ABCA13: variants seen among roughly 807,000 people sequenced by gnomAD.
The protein encoded by ABCA13 is ATP-binding cassette sub-family A member 13.
In ABCA13, 476 loss-of-function variants were observed where a neutral mutation model predicts 478.7. The observed-to-expected ratio is 0.99, with a 90% CI of 0.92 to 1.07. The LOEUF is 1.07. Ranked by LOEUF, ABCA13 falls within the 50% of genes least tolerant of loss-of-function variation. ABCA13 has a pLI of 0.00. For missense variants in ABCA13, 6,060 were observed against 5,910.6 expected, an observed-to-expected ratio of 1.03 and a Z score of -0.83; for synonymous variants, 2,252 against 2,158.9, an observed-to-expected ratio of 1.04 and a Z score of -1.20.
At chr7:48,451,467 C>T (rs1449347861) in intron 42 of ABCA13, among the ~76,000 whole-genome samples, 8 of 152,158 alleles carry the variant, frequency 5.3e-5, no homozygotes, top group Non-Finnish European at 5.9e-5. Flanking sequence ...AGATCCGTTT[C>T]CTTAACCCTC....
chr7:48,325,103 A>C (rs1472963955), intron 27 of ABCA13, among the ~76,000 whole-genome samples: 1 of 152,194 alleles, frequency 6.6e-6, no homozygotes, highest in African/African-American at 2.4e-5. Flanking sequence ...TGAAGCAGTA[A>C]CTTAGACATG....
At chr7:48,211,443 C>A (rs941004346) in intron 3 of ABCA13, among the ~76,000 whole-genome samples, 5 of 152,206 alleles carry the variant, frequency 3.3e-5, no homozygotes, top group African/African-American at 1.2e-4. Context: ...CAGTTGAAGT[C>A]TCTTGCTCTC....
chr7:48,313,792 T>C (rs1802124677), intron 25 of ABCA13, among the ~76,000 whole-genome samples: 1 of 152,206 alleles, frequency 6.6e-6, no homozygotes, highest in African/African-American at 2.4e-5. Flanking sequence ...GATAACAATG[T>C]TCTCAGAACT....
chr7:48,216,997 T>C (rs1417502588), intron 3 of ABCA13, among the ~76,000 whole-genome samples: 2 of 152,166 alleles, frequency 1.3e-5, no homozygotes, highest in African/African-American at 4.8e-5. Context: ...TATTCCTAAG[T>C]AGTTAATATT....
chr7:48,586,762 T>C (rs1422104915), intron 56 of ABCA13, among the ~76,000 whole-genome samples: 9 of 152,194 alleles, frequency 5.9e-5, no homozygotes, highest in African/African-American at 2.2e-4. Context: ...GGTTGTCTTC[T>C]CCCTTTAAGT....
At chr7:48,475,637 T>G (rs1338331193) in intron 45 of ABCA13, among the ~76,000 whole-genome samples, 3 of 151,938 alleles carry the variant, frequency 2.0e-5, no homozygotes, top group African/African-American at 7.3e-5. Context: ...GGCTAATTTT[T>G]GTATTTTTAG....
chr7:48,370,114 T>C (rs1226546170), intron 32 of ABCA13, among the ~76,000 whole-genome samples: 4 of 152,180 alleles, frequency 2.6e-5, no homozygotes, highest in African/African-American at 9.6e-5. Context: ...CCTCCTTGTT[T>C]AGGTATATTC....
At chr7:48,324,393 A>G (rs1563052504) in intron 27 of ABCA13, among the ~76,000 whole-genome samples, 1 of 152,204 alleles carries the variant, frequency 6.6e-6, no homozygotes, top group African/African-American at 2.4e-5. Context: ...AGGATCTTTA[A>G]AGACCTATTT....
Position 48,414,937 on chromosome 7 carries a change from G to A in ABCA13, c.12459+2354G>A, listed in dbSNP as rs76791895. On this transcript the variant is annotated intron_variant, in intron 41 of 61. Coordinates refer to ENST00000435803, the MANE Select transcript of ABCA13 (RefSeq NM_152701.5). ...GCTGCCGTAGCTTTGGAGTGACCACGGAGCTAAATAACATCTATACCCCCA... is the reference window on the plus strand; with the variant it reads ...GCTGCCGTAGCTTTGGAGTGACCACAGAGCTAAATAACATCTATACCCCCA... 6.4e-3 allele frequency among the ~76,000 whole-genome samples: 971 copies of A among 152,254 alleles called. 18 individuals are homozygous for A. Among genetic ancestry groups the A allele is most frequent in the African/African-American group, 0.022 (899 of 41,540 alleles).
intron 3 of ABCA13, among the ~76,000 whole-genome samples, chr7:48,207,123 TGTC>T (rs1187601370): frequency 6.6e-6 from 1 of 152,208 alleles, no homozygotes; most frequent in African/African-American, 2.4e-5. Flanking sequence ...GTTGCATCCT[TGTC>T]GTTGCAAATG....
intron 11 of ABCA13, 118 bp downstream of exon 11, chr7:48,244,821 G>A: frequency 1.6e-6 from 2 of 1,259,398 alleles, no homozygotes; most frequent in Admixed American, 2.3e-5. Context: ...CTTTGCTGGT[G>A]TCATATGCAT....
chr7:48,513,913 C>T (rs1382496432), intron 51 of ABCA13, among the ~76,000 whole-genome samples: 3 of 152,166 alleles, frequency 2.0e-5, no homozygotes, highest in African/African-American at 7.2e-5. Flanking sequence ...ATTCATCTAG[C>T]AATAGGAACT....
At chr7:48,487,314 AAAAAC>A (rs1029727263) in intron 47 of ABCA13, among the ~76,000 whole-genome samples, 2 of 128,198 alleles carry the variant, frequency 1.6e-5, no homozygotes, top group Non-Finnish European at 3.2e-5. Flanking sequence ...GTCTCAAAAA[AAAAAC>A]AAAACAAAAC....
Position 48,455,035 on chromosome 7 carries a change from A to T in ABCA13, c.12566-2A>T. 3 of 1,500,842 alleles carry T rather than the reference A, an allele frequency of 2.0e-6. No individual in the cohort carries two copies. Among genetic ancestry groups the T allele is most frequent in the African/African-American group, 1.4e-5 (1 of 72,136 alleles). The allele number at this position is 1,500,842 out of a possible 1,614,324, so 93.0% of individuals were successfully genotyped here. The stretch of plus-strand genomic sequence containing the variant: ...CCGCCCTTCCTCCCGCCCGTCCTGC[A>T]GGTGGCTCCCTAGCACGGCCCGCAA... On this transcript the variant is annotated splice_acceptor_variant, in intron 42 of 61. Coordinates refer to ENST00000435803, the MANE Select transcript of ABCA13 (RefSeq NM_152701.5). LOFTEE classifies it high-confidence loss of function.
intron 38 of ABCA13, among the ~76,000 whole-genome samples, chr7:48,399,260 G>T (rs1490119715): frequency 1.3e-5 from 2 of 152,194 alleles, no homozygotes; most frequent in South Asian, 2.1e-4. Flanking sequence ...CAGCATATCT[G>T]TACACAGATG....
chr7:48,253,407 A>G (rs993202557), intron 15 of ABCA13, among the ~76,000 whole-genome samples: 1 of 152,240 alleles, frequency 6.6e-6, no homozygotes, highest in Non-Finnish European at 1.5e-5. Flanking sequence ...TCTTCCTGAC[A>G]GTGGCATATT....
chr7:48,563,102 G>A (rs1786639029), intron 55 of ABCA13, among the ~76,000 whole-genome samples: 1 of 152,042 alleles, frequency 6.6e-6, no homozygotes, highest in South Asian at 2.1e-4. Context: ...CATGGCCATG[G>A]TATAAATATC....
At position 48,275,987 on chromosome 7, in the gene ABCA13, C is replaced by T; in HGVS notation, c.6321C>T (p.Ile2107=). ...ITLQFAHFLE[I]LDSPSLKTLE... ...TGCAGTTTGCCCATTTCCTGGAAAT[C>T]CTGGATTCACCGTCATTGAAGACAT... Residue 2107 remains isoleucine, a synonymous_variant, in exon 17 of 62, where the codon ATC becomes ATT. Coordinates refer to ENST00000435803, the MANE Select transcript of ABCA13 (RefSeq NM_152701.5). 3.1e-6 allele frequency: 5 copies of T among 1,613,248 alleles called. No homozygotes were observed. Among genetic ancestry groups the T allele is most frequent in the Non-Finnish European group, 4.2e-6 (5 of 1,179,618 alleles).
At chr7:48,509,807 G>A (rs1203347085) in intron 50 of ABCA13, among the ~76,000 whole-genome samples, 2 of 152,234 alleles carry the variant, frequency 1.3e-5, no homozygotes, top group Non-Finnish European at 2.9e-5. Context: ...TTGGATGTGG[G>A]ATCTTGGAGA....
Sources: gnomAD v4.1 joint callset for allele counts (sites outside exome capture counted in the v4.1 genomes callset) on GRCh38, gnomAD v4.1.1 for gene constraint, MANE v1.5 for transcripts, NCBI Gene and HGNC (gene_info 2026-07-23, HGNC 2026-07-21) for gene names.